The following FDCSP variants were observed in gnomAD, a reference collection of about 807,000 sequenced individuals.
The protein encoded by FDCSP is follicular dendritic cell secreted protein.
In FDCSP, 8 loss-of-function variants were observed where a neutral mutation model predicts 8.9. The observed-to-expected ratio is 0.90, with a 90% CI of 0.53 to 1.63. The LOEUF is 1.63. Among genes scored for constraint, FDCSP ranks in the 40% most tolerant of loss-of-function variants. The pLI is 0.00. For synonymous variants in FDCSP, 34 were observed against 34.5 expected (o/e 0.98, Z 0.06); for missense variants, 101 against 103.6 (o/e 0.98, Z 0.11).
chr4:70,229,322 T>C (rs879572413), intron 1 of FDCSP, among the ~76,000 whole-genome samples: 1 of 151,814 alleles, frequency 6.6e-6, no homozygotes, highest in Non-Finnish European at 1.5e-5. Flanking sequence ...TAAAATGTGC[T>C]GGCTGGTTTG....
intron 2 of FDCSP, 99 bp from the exon 3 acceptor site, chr4:70,232,895 T>C: frequency 9.7e-7 from 1 of 1,029,986 alleles, no homozygotes; most frequent in Admixed American, 2.7e-5. Context: ...ATGGTTATTA[T>C]GAAACAATAT....
chr4:70,227,433 C>T (rs925051194), intron 1 of FDCSP, among the ~76,000 whole-genome samples: 1 of 151,646 alleles, frequency 6.6e-6, no homozygotes, highest in African/African-American at 2.4e-5. Context: ...ATTTTTTACA[C>T]TGCGTTCTTT....
chr4:70,229,364 G>A lies in FDCSP; in HGVS notation c.1-1831G>A, dbSNP rs76388849. 7.3e-3 allele frequency among the ~76,000 whole-genome samples: 1,116 copies of A among 151,838 alleles called. 13 individuals carry two copies. The highest frequency in any genetic ancestry group is 0.025 in the African/African-American group (1,051 of 41,500). ...CCAGACAACTAAAAACTTTCTCCAT[G>A]TTGGGAATAAGACTCTTTCGCTTTC... On this transcript the variant is annotated intron_variant, in intron 1 of 4. Transcript: ENST00000317987.
chr4:70,228,344 C>T (rs369582128), intron 1 of FDCSP, among the ~76,000 whole-genome samples: 5 of 151,836 alleles, frequency 3.3e-5, no homozygotes, highest in Non-Finnish European at 7.4e-5. Flanking sequence ...AATTAAGTCA[C>T]ATGTTCAAGC....
Position 70,233,035 on chromosome 4 carries a change from C to G in FDCSP, c.90+9C>G. On this transcript the variant is annotated intron_variant, in intron 3 of 4. Coordinates refer to ENST00000317987, the MANE Select transcript of FDCSP (RefSeq NM_152997.4). ...AACGAGAAAAAAGAAGTGTAAGTTACCTTTTCTCTTTTTTACATGTAAGTT... is the reference window on the plus strand; with the variant it reads ...AACGAGAAAAAAGAAGTGTAAGTTAGCTTTTCTCTTTTTTACATGTAAGTT... 6.3e-7 allele frequency: 1 copy of G among 1,589,668 alleles called. No individual in the cohort carries two copies. The highest frequency in any genetic ancestry group is 8.6e-7 in the Non-Finnish European group (1 of 1,168,920).
chr4:70,228,568 C>T (rs927741958), intron 1 of FDCSP, among the ~76,000 whole-genome samples: 1 of 151,750 alleles, frequency 6.6e-6, no homozygotes, highest in Non-Finnish European at 1.5e-5. Flanking sequence ...TTTTAATTTA[C>T]TTTGCCCAGA....
At chr4:70,232,930 G>A (rs1396794561) in intron 2 of FDCSP, 64 bp from the exon 3 acceptor site, 5 of 1,280,124 alleles carry the variant, frequency 3.9e-6, no homozygotes, top group Non-Finnish European at 3.3e-6. Flanking sequence ...TCATGCATAT[G>A]TATATATTTA....
intron 1 of FDCSP, among the ~76,000 whole-genome samples, chr4:70,230,210 C>T (rs1484118290): frequency 2.0e-5 from 3 of 151,668 alleles, no homozygotes; most frequent in East Asian, 1.9e-4. Context: ...TTCCCAGAAC[C>T]CCCCACATAT....
intron 1 of FDCSP, among the ~76,000 whole-genome samples, 170 bp from the exon 2 acceptor site, chr4:70,231,021 CAAAT>C (rs1730070021): frequency 6.6e-6 from 1 of 151,686 alleles, no homozygotes; most frequent in African/African-American, 2.4e-5. Context: ...TCTTTATTAA[CAAAT>C]AGATTGATTC....
intron 4 of FDCSP, among the ~76,000 whole-genome samples, chr4:70,234,512 T>C (rs1398676096): frequency 6.6e-6 from 1 of 151,628 alleles, no homozygotes; most frequent in Non-Finnish European, 1.5e-5. Context: ...TATACTATTG[T>C]CAATAACTGC....
intron 1 of FDCSP, among the ~76,000 whole-genome samples, chr4:70,228,858 C>A (rs1049383784): frequency 9.2e-5 from 14 of 151,712 alleles, no homozygotes; most frequent in African/African-American, 3.4e-4. Context: ...GATGTACTGC[C>A]ATCCAGGCTT....
At position 70,232,824 on chromosome 4, in the gene FDCSP, G is replaced by A. The variant is rs111262325; in HGVS notation, c.58-170G>A. Among the ~76,000 whole-genome samples, 1,113 of 151,594 alleles carry A rather than the reference G, an allele frequency of 7.3e-3. 13 individuals are homozygous for A. The highest frequency in any genetic ancestry group is 0.025 in the African/African-American group (1,049 of 41,442). Reference sequence around the variant, plus strand: ...GAATTTGAGCCATTTAAGAATACATGTTAAGACTTTTTGGGAAAATCATTT... The same window carrying A: ...GAATTTGAGCCATTTAAGAATACATATTAAGACTTTTTGGGAAAATCATTT... On this transcript the variant is annotated intron_variant, in intron 2 of 4. Coordinates refer to ENST00000317987, the MANE Select transcript of FDCSP (RefSeq NM_152997.4).
chr4:70,230,838 A>G (rs933152111), intron 1 of FDCSP, among the ~76,000 whole-genome samples: 2 of 151,756 alleles, frequency 1.3e-5, no homozygotes, highest in African/African-American at 4.8e-5. Context: ...GTGATTATCA[A>G]GTATGTAGAA....
chr4:70,235,245 T>G lies in FDCSP; in HGVS notation c.*189T>G, dbSNP rs762524584. On this transcript the variant is annotated 3_prime_UTR_variant, in exon 5 of 5. Coordinates refer to ENST00000317987, the MANE Select transcript of FDCSP (RefSeq NM_152997.4). ...AAGCAAAGATTTTGGTTTCTTAATT[T>G]CCACAAATTCCATGATTAGTACTCA... is the stretch of plus-strand genomic sequence containing the variant. 1 of 151,760 alleles carries G rather than the reference T, an allele frequency of 6.6e-6. No individual in the cohort carries two copies. The highest frequency in any genetic ancestry group is 2.4e-5 in the African/African-American group (1 of 41,378). 9.4% of individuals were successfully genotyped at this position (151,760 alleles called of 1,614,324 possible).
At chr4:70,232,570 C>T (rs1730103360) in intron 2 of FDCSP, among the ~76,000 whole-genome samples, 1 of 151,552 alleles carries the variant, frequency 6.6e-6, no homozygotes, top group Admixed American at 6.6e-5. Context: ...TTTCTCATAA[C>T]TTATCTCTGC....
At chr4:70,232,792 T>C (rs896317944) in intron 2 of FDCSP, among the ~76,000 whole-genome samples, 2 of 151,614 alleles carry the variant, frequency 1.3e-5, no homozygotes, top group African/African-American at 4.8e-5. Flanking sequence ...ATCTTTGGTG[T>C]AGTGGTGAAT....
At chr4:70,226,302 T>G (rs1729983885) in intron 1 of FDCSP, 120 bp downstream of exon 1, 1 of 151,976 alleles carries the variant, frequency 6.6e-6, no homozygotes, top group South Asian at 2.1e-4. Context: ...TTGTTGAGAC[T>G]AAATTGTAAT....
intron 1 of FDCSP, among the ~76,000 whole-genome samples, chr4:70,227,202 T>A (rs1296668333): frequency 6.6e-6 from 1 of 151,784 alleles, no homozygotes; most frequent in Non-Finnish European, 1.5e-5. Context: ...TATGTATGTG[T>A]GTGTCTGTGA....
chr4:70,231,295 T>C (rs1730078778), intron 2 of FDCSP, 44 bp downstream of exon 2: 6 of 1,424,046 alleles, frequency 4.2e-6, no homozygotes, highest in Non-Finnish European at 5.8e-6. Flanking sequence ...TGTATGGCCA[T>C]GTATGGCATA....
Sources: gnomAD v4.1 joint callset for allele counts (sites outside exome capture counted in the v4.1 genomes callset) on GRCh38, gnomAD v4.1.1 for gene constraint, MANE v1.5 for transcripts, NCBI Gene and HGNC (gene_info 2026-07-23, HGNC 2026-07-21) for gene names.